Variants in CDH18 observed in about 807,000 individuals in gnomAD.
CDH18 encodes the protein cadherin-18.
CDH18 carries 31 observed loss-of-function variants against 67.9 expected under a neutral mutation model. The observed-to-expected ratio is 0.46, with a 90% CI of 0.34 to 0.62. CDH18 has a LOEUF of 0.62. Among genes scored for constraint, CDH18 ranks in the 20% least tolerant of loss-of-function variants. CDH18 has a pLI of 0.01. For missense variants in CDH18, 890 were observed against 975.5 expected (o/e 0.91, Z 1.17); for synonymous variants, 362 against 347.2 (o/e 1.04, Z -0.48).
chr5:19,789,685 A>G (rs1057050648), intron 3 of CDH18, among the ~76,000 whole-genome samples: 1 of 152,148 alleles, frequency 6.6e-6, no homozygotes, highest in Admixed American at 6.5e-5. Context: ...ATATGTAAAA[A>G]TTATAGAAAA....
At chr5:20,356,331 T>C (rs190971726) in intron 1 of CDH18, among the ~76,000 whole-genome samples, 5 of 152,208 alleles carry the variant, frequency 3.3e-5, no homozygotes, top group African/African-American at 7.2e-5. Context: ...CGCAGTGAGC[T>C]GAGATCACGC....
intron 10 of CDH18, among the ~76,000 whole-genome samples, chr5:19,520,084 A>G (rs1347753240): frequency 6.6e-6 from 1 of 152,060 alleles, no homozygotes; most frequent in East Asian, 1.9e-4. Flanking sequence ...TACTTGCTCT[A>G]TTTGCTATAG....
chr5:19,640,035 G>A (rs1225387441), intron 5 of CDH18, among the ~76,000 whole-genome samples: 1 of 152,084 alleles, frequency 6.6e-6, no homozygotes, highest in African/African-American at 2.4e-5. Context: ...TCTTTTAAAT[G>A]GAGAGAAATA....
At chr5:20,174,389 T>C (rs561197376) in intron 2 of CDH18, among the ~76,000 whole-genome samples, 114 of 152,300 alleles carry the variant, frequency 7.5e-4, no homozygotes, top group African/African-American at 2.6e-3. Flanking sequence ...TACGTGTTAT[T>C]GAGCAACTGC....
At chr5:20,478,059 C>T (rs1038904643) in intron 1 of CDH18, among the ~76,000 whole-genome samples, 1 of 152,106 alleles carries the variant, frequency 6.6e-6, no homozygotes, top group Non-Finnish European at 1.5e-5. Flanking sequence ...TCATCACCTG[C>T]TCAATAAAGA....
intron 2 of CDH18, among the ~76,000 whole-genome samples, chr5:20,128,181 G>T (rs968707687): frequency 4.6e-4 from 70 of 151,980 alleles, no homozygotes; most frequent in African/African-American, 1.7e-3. Flanking sequence ...ATTAATGTTT[G>T]TGAACCTCAG....
intron 2 of CDH18, among the ~76,000 whole-genome samples, chr5:19,947,862 A>G (rs1795427497): frequency 6.6e-6 from 1 of 152,170 alleles, no homozygotes; most frequent in Non-Finnish European, 1.5e-5. Flanking sequence ...GTGAGAAAAT[A>G]TTTGCAGACC....
In CDH18 at chr5:19,825,179, C is replaced by G. The variant is rs1265867570; in HGVS notation, c.228+13580G>C. ...TCTGTGTGAACTCAGCAAGTGGGCA[C>G]AGACTCCTGTTGTCCCAGGAAGCAT... On this transcript the variant is annotated intron_variant, in intron 3 of 12. Coordinates refer to ENST00000382275, the MANE Select transcript of CDH18 (RefSeq NM_004934.5). Among the ~76,000 whole-genome samples the G allele has an allele frequency of 2.6e-5, 4 of 152,142 alleles. No homozygotes were observed. In the South Asian group the frequency reaches 8.3e-4, roughly 32 times the overall value.
chr5:19,890,633 C>T (rs1026771781), intron 2 of CDH18, among the ~76,000 whole-genome samples: 1 of 147,736 alleles, frequency 6.8e-6, no homozygotes. Context: ...CTTGCTCTGT[C>T]GCCCAGGCAG....
intron 2 of CDH18, among the ~76,000 whole-genome samples, chr5:19,922,407 G>A (rs909712081): frequency 3.3e-5 from 5 of 152,100 alleles, no homozygotes; most frequent in Admixed American, 6.5e-5. Flanking sequence ...TTAAATATAG[G>A]AGCATGAAAC....
chr5:20,119,740 A>G (rs561706273), intron 2 of CDH18, among the ~76,000 whole-genome samples: 6 of 152,328 alleles, frequency 3.9e-5, no homozygotes, highest in Admixed American at 1.3e-4. Flanking sequence ...TGCTGGAGAT[A>G]AAGCCTGGCA....
rs185066705 is a variant in CDH18, at chr5:20,448,320, T to A, written c.-580+127142A>T. Among the ~76,000 whole-genome samples, 495 of 152,192 alleles carry A rather than the reference T, an allele frequency of 3.3e-3. 2 individuals are homozygous for A. Among genetic ancestry groups the A allele is most frequent in the African/African-American group, 0.011 (476 of 41,520 alleles). On this transcript the variant is annotated intron_variant, in intron 1 of 14. Coordinates refer to the CDH18 transcript ENST00000507958. ...AGATATCTTATTTTATAAACAATTG[T>A]ATGACAATGAACATTTATCACACAT... is the stretch of plus-strand genomic sequence containing the variant.
chr5:20,564,820 C>A (rs965030762), intron 1 of CDH18, among the ~76,000 whole-genome samples: 7 of 151,992 alleles, frequency 4.6e-5, no homozygotes, highest in African/African-American at 1.7e-4. Flanking sequence ...TTGTCTTTAG[C>A]CAATTATTTT....
chr5:20,220,274 CAG>C (rs1307776242), intron 2 of CDH18, among the ~76,000 whole-genome samples: 2 of 151,854 alleles, frequency 1.3e-5, no homozygotes, highest in Admixed American at 6.6e-5. Flanking sequence ...GATATAAAAA[CAG>C]AGAGATAGAC....
chr5:20,147,964 C>T (rs2126553361), intron 2 of CDH18, among the ~76,000 whole-genome samples: 2 of 152,098 alleles, frequency 1.3e-5, no homozygotes, highest in South Asian at 4.2e-4. Context: ...ACTAAAGTGG[C>T]CAAATAAGAG....
chr5:20,086,554 T>A lies in CDH18; in HGVS notation c.-517-94540A>T, dbSNP rs1744967037. ...GCTTCAAAGTACAGGTTGACTCTCT[T>A]GTTTTAGGGGCTAATACATCTTGTG... On this transcript the variant is annotated intron_variant, in intron 2 of 14. Transcript: ENST00000507958. Among the ~76,000 whole-genome samples the A allele has an allele frequency of 2.6e-5, 4 of 152,218 alleles. No homozygotes were observed. The South Asian group carries it at 8.3e-4, about 32-fold the overall frequency.
chr5:20,351,296 G>T (rs1475862591), intron 1 of CDH18, among the ~76,000 whole-genome samples: 2 of 151,418 alleles, frequency 1.3e-5, no homozygotes, highest in East Asian at 3.9e-4. Context: ...TAGAACAGTG[G>T]CAAGCACTTA....
chr5:20,070,629 A>G (rs1743404096), intron 2 of CDH18, among the ~76,000 whole-genome samples: 2 of 152,170 alleles, frequency 1.3e-5, no homozygotes, highest in South Asian at 2.1e-4. Context: ...GATTGCACCA[A>G]TGTTTTGCAG....
chr5:19,953,372 G>T (rs1301699732), intron 2 of CDH18, among the ~76,000 whole-genome samples: 1 of 151,976 alleles, frequency 6.6e-6, no homozygotes, highest in East Asian at 1.9e-4. Flanking sequence ...CTAGAGTACT[G>T]CTTATTGTCT....
Sources: gnomAD v4.1 joint callset for allele counts (sites outside exome capture counted in the v4.1 genomes callset) on GRCh38, gnomAD v4.1.1 for gene constraint, MANE v1.5 for transcripts, NCBI Gene and HGNC (gene_info 2026-07-23, HGNC 2026-07-21) for gene names.